Variants in FAM135B observed in about 807,000 individuals in gnomAD.
FAM135B encodes the protein protein FAM135B.
A neutral mutation model predicts 127.7 loss-of-function variants in FAM135B; 43 were observed. The ratio of observed to expected loss-of-function variants is 0.34; its 90% CI spans 0.26 to 0.43. The LOEUF (loss-of-function observed/expected upper bound fraction) is 0.43. Among genes scored for constraint, FAM135B ranks in the 20% least tolerant of loss-of-function variants. The pLI, the probability that FAM135B is intolerant of heterozygous loss-of-function variation, is 1.00. For missense variants in FAM135B, 1,558 were observed against 1,725.6 expected (o/e 0.90, Z 1.72); for synonymous variants, 670 against 665.1 (o/e 1.01, Z -0.11).
intron 11 of FAM135B, among the ~76,000 whole-genome samples, chr8:138,173,828 C>CCA (rs1204820313): frequency 2.0e-5 from 3 of 152,164 alleles, no homozygotes; most frequent in Non-Finnish European, 4.4e-5. Context: ...ATCACCACTT[C>CCA]CACATTCATT....
chr8:138,301,859 C>T (rs1268458019), intron 3 of FAM135B, among the ~76,000 whole-genome samples: 1 of 152,176 alleles, frequency 6.6e-6, no homozygotes, highest in African/African-American at 2.4e-5. Context: ...CTGCTTGAAA[C>T]CTTTGGTACA....
intron 1 of FAM135B, among the ~76,000 whole-genome samples, chr8:138,414,119 C>CATATATATATATATATATAT (rs60918986): frequency 0.054 from 6,694 of 123,660 alleles, 307 homozygotes; most frequent in Admixed American, 0.07. Flanking sequence ...CACACAAATA[C>CATATATATATATATATATAT]ATATATATAT....
intron 1 of FAM135B, among the ~76,000 whole-genome samples, chr8:138,444,907 A>G (rs1361288805): frequency 6.6e-6 from 1 of 152,196 alleles, no homozygotes; most frequent in East Asian, 1.9e-4. Flanking sequence ...GACCTCTAGC[A>G]AGACTAATAA....
rs1563783520 is a variant in FAM135B at position 138,218,755 on chromosome 8, A to ACG, written c.670-21087_670-21086insCG. On this transcript the variant is annotated intron_variant, in intron 7 of 19. Coordinates refer to ENST00000395297, the MANE Select transcript of FAM135B (RefSeq NM_015912.4). The stretch of plus-strand genomic sequence containing the variant: ...CCCTGCTCCTCCCAAACTTACACGC[A>ACG]CACACACACACAGAGAGAGAGAGAG... Among the ~76,000 whole-genome samples, 328 of 57,564 alleles carry ACG rather than the reference A, an allele frequency of 5.7e-3. 2 individuals carry two copies. The highest frequency in any genetic ancestry group is 0.018 in the African/African-American group (300 of 17,136). 37.8% of individuals were successfully genotyped at this position (57,564 alleles called of 152,430 possible).
intron 18 of FAM135B, among the ~76,000 whole-genome samples, chr8:138,137,977 A>G (rs144386362): frequency 6.6e-6 from 1 of 152,232 alleles, no homozygotes; most frequent in East Asian, 1.9e-4. Flanking sequence ...TGTGTGCCCT[A>G]CTGAAGTGTG....
chr8:138,180,815 CAA>C (rs1360145080), intron 9 of FAM135B, among the ~76,000 whole-genome samples: 1 of 152,172 alleles, frequency 6.6e-6, no homozygotes, highest in East Asian at 1.9e-4. Context: ...TATGAAACCC[CAA>C]AATGAGGGAA....
intron 1 of FAM135B, among the ~76,000 whole-genome samples, chr8:138,431,673 T>A (rs1248193097): frequency 6.6e-6 from 1 of 152,206 alleles, no homozygotes; most frequent in Non-Finnish European, 1.5e-5. Context: ...TAGAGAAATG[T>A]ATTATCCCCC....
intron 3 of FAM135B, among the ~76,000 whole-genome samples, chr8:138,281,698 T>C (rs1311927705): frequency 6.6e-6 from 1 of 152,168 alleles, no homozygotes; most frequent in African/African-American, 2.4e-5. Flanking sequence ...TCCCTGTAAA[T>C]TGGCATGCCT....
rs111722762 is a variant in FAM135B, at chr8:138,299,074, A to C, written c.157+11767T>G. ...GATTCAGTCTCAAAATAAATAAATA[A>C]ATAAATAAATAAATAAATAAATAAA... On this transcript the variant is annotated intron_variant, in intron 3 of 19. Coordinates refer to ENST00000395297, the MANE Select transcript of FAM135B (RefSeq NM_015912.4). 8.0e-3 allele frequency among the ~76,000 whole-genome samples: 1,063 copies of C among 132,720 alleles called. 13 individuals are homozygous for C. The highest frequency in any genetic ancestry group is 0.023 in the African/African-American group (854 of 37,376). 87.1% of individuals were successfully genotyped at this position (132,720 alleles called of 152,430 possible).
chr8:138,169,302 C>T (rs1475443745), intron 11 of FAM135B, among the ~76,000 whole-genome samples: 4 of 151,912 alleles, frequency 2.6e-5, no homozygotes, highest in Admixed American at 6.6e-5. Context: ...TCTGAATTCT[C>T]GGAATATTTA....
intron 7 of FAM135B, among the ~76,000 whole-genome samples, chr8:138,213,285 G>A (rs1036586180): frequency 3.9e-5 from 6 of 152,118 alleles, no homozygotes; most frequent in Admixed American, 6.6e-5. Context: ...TAAGTGCACC[G>A]TACGATCACT....
At chr8:138,314,354 T>C (rs1043717618) in intron 2 of FAM135B, among the ~76,000 whole-genome samples, 2 of 152,134 alleles carry the variant, frequency 1.3e-5, no homozygotes, top group African/African-American at 4.8e-5. Context: ...TTACAGAACA[T>C]ACTACTGTAA....
At chr8:138,217,979 CCT>C (rs1429907818) in intron 7 of FAM135B, among the ~76,000 whole-genome samples, 2 of 152,150 alleles carry the variant, frequency 1.3e-5, no homozygotes, top group East Asian at 1.9e-4. Context: ...TCAAAAATTA[CCT>C]CTGTCTTCCA....
chr8:138,319,811 T>G (rs1454280916), intron 2 of FAM135B, among the ~76,000 whole-genome samples: 1 of 152,206 alleles, frequency 6.6e-6, no homozygotes, highest in Non-Finnish European at 1.5e-5. Context: ...CAGATGAAAT[T>G]AAAGCTGTTA....
intron 9 of FAM135B, among the ~76,000 whole-genome samples, chr8:138,189,617 G>A (rs934713760): frequency 5.9e-5 from 9 of 152,150 alleles, no homozygotes; most frequent in African/African-American, 2.2e-4. Flanking sequence ...AGGCCCACAT[G>A]GACTTTTGCC....
intron 2 of FAM135B, among the ~76,000 whole-genome samples, chr8:138,343,147 T>A (rs1358239867): frequency 2.0e-5 from 3 of 152,218 alleles, no homozygotes; most frequent in African/African-American, 7.2e-5. Context: ...GGAGTCCTGA[T>A]AAAGCTCAAA....
rs780594289 is a variant in FAM135B at position 138,145,948 on chromosome 8, T to TATC, written c.3540+8_3540+10dup. On this transcript the variant is annotated intron_variant, in intron 15 of 19. Transcript: ENST00000395297. ...AGGGTTCTTCCAGTTCTGATATTTG[T>TATC]ATCATCATACCTGATTCTTTTCAGA... is the stretch of plus-strand genomic sequence containing the variant. The TATC allele has an allele frequency of 1.0e-5, 15 of 1,456,652 alleles. No homozygotes were observed. The highest frequency in any genetic ancestry group is 1.7e-4 in the Middle Eastern group (1 of 5,758). The allele number at this position is 1,456,652 out of a possible 1,614,324, so 90.2% of individuals were successfully genotyped here.
chr8:138,213,101 C>CT (rs1466019965), intron 7 of FAM135B, among the ~76,000 whole-genome samples: 2 of 152,136 alleles, frequency 1.3e-5, no homozygotes, highest in Non-Finnish European at 2.9e-5. Flanking sequence ...CAGATACTGG[C>CT]TTTGTAAATT....
intron 11 of FAM135B, among the ~76,000 whole-genome samples, chr8:138,174,914 T>C (rs1814299095): frequency 6.6e-6 from 1 of 152,132 alleles, no homozygotes; most frequent in Admixed American, 6.5e-5. Flanking sequence ...CTTAATGAGA[T>C]AGTGGATTTG....
Sources: gnomAD v4.1 joint callset for allele counts (sites outside exome capture counted in the v4.1 genomes callset) on GRCh38, gnomAD v4.1.1 for gene constraint, MANE v1.5 for transcripts, NCBI Gene and HGNC (gene_info 2026-07-23, HGNC 2026-07-21) for gene names.